The following RBFOX1 variants were observed in gnomAD, a reference collection of about 807,000 sequenced individuals.
RBFOX1 encodes RNA binding protein fox-1 homolog 1.
A neutral mutation model predicts 57.7 loss-of-function variants in RBFOX1; 8 were observed. That is an observed-to-expected ratio of 0.14 (90% CI 0.08 to 0.25). The LOEUF is 0.25. Ranked by LOEUF, RBFOX1 falls within the 10% of genes least tolerant of loss-of-function variation. The pLI is 1.00. For missense variants in RBFOX1, 611 were observed against 548.5 expected (o/e 1.11, Z -1.14); for synonymous variants, 326 against 222.4 (o/e 1.47, Z -4.15).
chr16:6,501,188 G>GTGCAGGTT (rs987386930), intron 2 of RBFOX1, among the ~76,000 whole-genome samples: 1 of 140,262 alleles, frequency 7.1e-6, no homozygotes, highest in Non-Finnish European at 1.5e-5. Context: ...TGTGCACAAC[G>GTGCAGGTT]TGCAGGTTTG....
chr16:6,851,360 A>T (rs2094052199), intron 3 of RBFOX1, among the ~76,000 whole-genome samples: 1 of 152,094 alleles, frequency 6.6e-6, no homozygotes. Flanking sequence ...TGTGATATTT[A>T]TAGTTTTGTC....
intron 3 of RBFOX1, among the ~76,000 whole-genome samples, chr16:5,618,607 G>A (rs966019070): frequency 2.0e-5 from 3 of 152,212 alleles, no homozygotes; most frequent in Non-Finnish European, 2.9e-5. Flanking sequence ...AAAGTGCTGG[G>A]ATCACAGGCG....
intron 1 of RBFOX1, among the ~76,000 whole-genome samples, chr16:6,226,353 A>G (rs374916660): frequency 6.8e-6 from 1 of 147,360 alleles, no homozygotes; most frequent in Non-Finnish European, 1.5e-5. Context: ...AGCCTCGGCA[A>G]CAAGAGTGAA....
chr16:6,295,859 G>T (rs1219620345), intron 1 of RBFOX1, among the ~76,000 whole-genome samples: 5 of 152,210 alleles, frequency 3.3e-5, no homozygotes, highest in Non-Finnish European at 5.9e-5. Context: ...AAGAGATAGG[G>T]AGTGAAGGAT....
intron 3 of RBFOX1, among the ~76,000 whole-genome samples, chr16:6,699,252 G>A (rs545479718): frequency 6.0e-5 from 9 of 150,598 alleles, no homozygotes; most frequent in African/African-American, 1.7e-4. Flanking sequence ...CTCTCTTCAC[G>A]TTCACTGTTG....
chr16:5,896,216 C>G (rs772364872), intron 4 of RBFOX1, among the ~76,000 whole-genome samples: 2 of 152,154 alleles, frequency 1.3e-5, no homozygotes, highest in African/African-American at 4.8e-5. Flanking sequence ...GAGAGCCAAG[C>G]TGCTTGTATC....
chr16:6,009,707 C>G (rs2094948802), intron 4 of RBFOX1, among the ~76,000 whole-genome samples: 1 of 152,128 alleles, frequency 6.6e-6, no homozygotes, highest in South Asian at 2.1e-4. Context: ...CCCCCCACCT[C>G]CAAGCCTATC....
downstream of RBFOX1, among the ~76,000 whole-genome samples, chr16:5,602,963 C>G (rs1179491662): frequency 6.6e-6 from 1 of 152,156 alleles, no homozygotes; most frequent in Non-Finnish European, 1.5e-5. Context: ...CTGTGTCGTT[C>G]CTCTAGAGGA....
chr16:5,247,796 G>A (rs2062339903), intron 1 of RBFOX1, among the ~76,000 whole-genome samples: 1 of 152,152 alleles, frequency 6.6e-6, no homozygotes. Context: ...AGGTTAAGAG[G>A]ACTTTGTACC....
At chr16:6,128,220 T>A (rs1398727901) in intron 1 of RBFOX1, among the ~76,000 whole-genome samples, 1 of 152,246 alleles carries the variant, frequency 6.6e-6, no homozygotes, top group Non-Finnish European at 1.5e-5. Context: ...AAATTCAATA[T>A]ATTATTTAAT....
At chr16:7,049,465 T>TA (rs140418765) in intron 3 of RBFOX1, among the ~76,000 whole-genome samples, 13,726 of 148,662 alleles carry the variant, frequency 0.092, 924 homozygotes, top group East Asian at 0.28. Flanking sequence ...AGAACAGTAA[T>TA]AAAAAAAAAA....
intron 1 of RBFOX1, among the ~76,000 whole-genome samples, chr16:5,323,964 T>C (rs954677075): frequency 6.6e-6 from 1 of 152,234 alleles, no homozygotes; most frequent in Non-Finnish European, 1.5e-5. Context: ...TGAGCTGTCA[T>C]ATTACACGTG....
At chr16:7,442,671 G>C (rs906544813) in intron 4 of RBFOX1, among the ~76,000 whole-genome samples, 7 of 152,130 alleles carry the variant, frequency 4.6e-5, no homozygotes, top group African/African-American at 1.4e-4. Context: ...GCAAGCAGTA[G>C]AGAGTGCAAA....
chr16:7,535,175 A>T (rs564215052), intron 5 of RBFOX1, among the ~76,000 whole-genome samples: 2 of 152,212 alleles, frequency 1.3e-5, no homozygotes, highest in Non-Finnish European at 1.5e-5. Flanking sequence ...ATATAATACA[A>T]TAATAATGCA....
At chr16:7,052,578 T>C (rs2050484161) in intron 4 of RBFOX1, among the ~76,000 whole-genome samples, 1 of 152,146 alleles carries the variant, frequency 6.6e-6, no homozygotes, top group Non-Finnish European at 1.5e-5. Context: ...GTGACATTTG[T>C]GTATATGGGA....
At chr16:6,823,927 G>T (rs912976670) in intron 3 of RBFOX1, among the ~76,000 whole-genome samples, 1 of 152,198 alleles carries the variant, frequency 6.6e-6, no homozygotes, top group Non-Finnish European at 1.5e-5. Context: ...TAAGAAATCA[G>T]TGTAAGAAAC....
chr16:5,891,020 G>T (rs1230959877), intron 4 of RBFOX1, among the ~76,000 whole-genome samples: 1 of 152,176 alleles, frequency 6.6e-6, no homozygotes, highest in Non-Finnish European at 1.5e-5. Context: ...AGGAGCATTT[G>T]GTGAGAAGAT....
intron 1 of RBFOX1, among the ~76,000 whole-genome samples, chr16:5,257,361 C>T (rs1428847891): frequency 6.6e-6 from 1 of 152,172 alleles, no homozygotes; most frequent in Non-Finnish European, 1.5e-5. Context: ...CTATGAGAAC[C>T]TGGGCAGGTT....
rs1409319597 is a variant in RBFOX1 at position 7,567,627 on chromosome 16, ATATATATATCCCTATATATGGCCC to A, written c.271-12140_271-12117del. The stretch of plus-strand genomic sequence containing the variant: ...TATCCCTTTATATGGCCCTATATAT[ATATATATATCCCTATATATGGCCC>A]TATATATATATATCCCTATATATGG... On this transcript the variant is annotated intron_variant, in intron 5 of 15. Coordinates refer to ENST00000550418, the MANE Select transcript of RBFOX1 (RefSeq NM_018723.4). Among the ~76,000 whole-genome samples the A allele has an allele frequency of 2.4e-3, 195 of 80,196 alleles. 3 individuals are homozygous for A. Among genetic ancestry groups the A allele is most frequent in the African/African-American group, 7.1e-3 (183 of 25,754 alleles). 52.6% of individuals were successfully genotyped at this position (80,196 alleles called of 152,430 possible).
Sources: gnomAD v4.1 joint callset for allele counts (sites outside exome capture counted in the v4.1 genomes callset) on GRCh38, gnomAD v4.1.1 for gene constraint, MANE v1.5 for transcripts, NCBI Gene and HGNC (gene_info 2026-07-23, HGNC 2026-07-21) for gene names.